CD96: variants seen among roughly 807,000 people sequenced by gnomAD.
CD96 encodes T-cell surface protein tactile.
Under a neutral mutation model 71.3 loss-of-function variants are expected in CD96, and 70 were observed. That is an observed-to-expected ratio of 0.98 (90% CI 0.81 to 1.20). The LOEUF (loss-of-function observed/expected upper bound fraction) is 1.20, where lower values mean the gene tolerates loss of function less well. Ranked by LOEUF, CD96 falls within the 50% of genes most tolerant of loss-of-function variation. The pLI is 0.00. For missense variants in CD96, 742 were observed against 677.5 expected (o/e 1.10, Z -1.06); for synonymous variants, 248 against 233.0 (o/e 1.06, Z -0.59).
intron 3 of CD96, among the ~76,000 whole-genome samples, chr3:111,575,815 A>G (rs1287957736): frequency 6.6e-6 from 1 of 152,208 alleles, no homozygotes; most frequent in Non-Finnish European, 1.5e-5. Context: ...ACTCACTACT[A>G]CAAGCACTTT....
intron 2 of CD96, among the ~76,000 whole-genome samples, chr3:111,547,206 C>T (rs113878636): frequency 1.3e-5 from 2 of 152,252 alleles, no homozygotes; most frequent in African/African-American, 4.8e-5. Flanking sequence ...TGCACTTAAA[C>T]ATATAGTTCC....
chr3:111,544,447 G>A (rs1300289588), intron 1 of CD96, among the ~76,000 whole-genome samples: 1 of 152,066 alleles, frequency 6.6e-6, no homozygotes, highest in East Asian at 1.9e-4. Flanking sequence ...CAGGCCTGGA[G>A]GTGTGACTTT....
At chr3:111,584,142 A>G (rs970923933) in intron 4 of CD96, among the ~76,000 whole-genome samples, 1 of 152,230 alleles carries the variant, frequency 6.6e-6, no homozygotes, top group Non-Finnish European at 1.5e-5. Context: ...TTGTAAGTCC[A>G]AAGTTCCACA....
At chr3:111,631,743 G>A (rs1174153317) in intron 10 of CD96, among the ~76,000 whole-genome samples, 1 of 152,144 alleles carries the variant, frequency 6.6e-6, no homozygotes, top group Non-Finnish European at 1.5e-5. Context: ...CAGGGCTATA[G>A]TAACCAAAAC....
At position 111,637,211 on chromosome 3, in the gene CD96, C is replaced by T. The variant is rs886057767; in HGVS notation, c.1337C>T (p.Pro446Leu). 3.8e-6 allele frequency: 6 copies of T among 1,581,146 alleles called. No homozygotes were observed. Among genetic ancestry groups the T allele is most frequent in the Non-Finnish European group, 5.2e-6 (6 of 1,149,930 alleles). Residue 446 changes from proline (P) to leucine (L), a missense_variant, in exon 11 of 14, where the codon CCT becomes CTT. Transcript: ENST00000352690. The stretch of plus-strand genomic sequence containing the variant: ...CTTCCTTTAGCAGTTTCACGGATAC[C>T]TAGTGAAACATACAGTTCATCCCCG... Reference protein sequence around the residue: ...TDTKKSVSRIPSETYSSSPSG... With the variant: ...TDTKKSVSRILSETYSSSPSG...
At chr3:111,641,480 A>C (rs1475165787) in intron 12 of CD96, among the ~76,000 whole-genome samples, 1 of 152,210 alleles carries the variant, frequency 6.6e-6, no homozygotes, top group Non-Finnish European at 1.5e-5. Flanking sequence ...CTAATATTGG[A>C]GCTCCCAAAT....
intron 3 of CD96, among the ~76,000 whole-genome samples, chr3:111,568,401 A>C (rs57476687): frequency 0.031 from 4,658 of 152,320 alleles, 172 homozygotes; most frequent in East Asian, 0.15. Context: ...AACTCTAATT[A>C]TAAATTTAAA....
chr3:111,638,318 G>T (rs575495929), intron 12 of CD96, 150 bp downstream of exon 12: 80 of 693,966 alleles, frequency 1.2e-4, no homozygotes, highest in South Asian at 6.4e-4. Flanking sequence ...ATTAGTGATC[G>T]ATCATGTGTA....
At chr3:111,641,429 T>A (rs962803299) in intron 12 of CD96, among the ~76,000 whole-genome samples, 3 of 152,210 alleles carry the variant, frequency 2.0e-5, no homozygotes, top group Non-Finnish European at 4.4e-5. Context: ...TAAAAGGCCT[T>A]GTCTAACAGG....
chr3:111,582,233 A>G (rs1936499949), intron 4 of CD96, among the ~76,000 whole-genome samples: 1 of 152,220 alleles, frequency 6.6e-6, no homozygotes, highest in Non-Finnish European at 1.5e-5. Flanking sequence ...GTAAATGGCT[A>G]GTGGCTGTAG....
At chr3:111,654,843 A>G (rs573757171), downstream of CD96, among the ~76,000 whole-genome samples, 1 of 152,368 alleles carries the variant, frequency 6.6e-6, no homozygotes, top group African/African-American at 2.4e-5. Flanking sequence ...CCATTCAACT[A>G]TCACCAGAAA....
chr3:111,583,412 T>C (rs926795782), intron 4 of CD96, among the ~76,000 whole-genome samples: 2 of 152,086 alleles, frequency 1.3e-5, no homozygotes, highest in African/African-American at 4.8e-5. Context: ...CATTCTGGGG[T>C]CTGGAGGATG....
At chr3:111,564,677 T>G (rs1199482966) in intron 2 of CD96, among the ~76,000 whole-genome samples, 1 of 152,174 alleles carries the variant, frequency 6.6e-6, no homozygotes, top group African/African-American at 2.4e-5. Flanking sequence ...GTAGGAATGT[T>G]ATTTTGTTCT....
At chr3:111,546,253 A>C (rs1200968867) in intron 2 of CD96, among the ~76,000 whole-genome samples, 1 of 152,238 alleles carries the variant, frequency 6.6e-6, no homozygotes, top group Non-Finnish European at 1.5e-5. Context: ...GGTGTCTGGC[A>C]TGCACACCTG....
At chr3:111,598,977 A>C (rs1937376078) in intron 6 of CD96, among the ~76,000 whole-genome samples, 1 of 151,398 alleles carries the variant, frequency 6.6e-6, no homozygotes, top group Non-Finnish European at 1.5e-5. Flanking sequence ...ATTTTATTTT[A>C]TTTTATTTTG....
rs151308405 is a variant in CD96, at chr3:111,604,602, A to C, written c.1088-2098A>C. On this transcript the variant is annotated intron_variant, in intron 7 of 13. Coordinates refer to ENST00000352690, the MANE Select transcript of CD96 (RefSeq NM_005816.5). Reference sequence around the variant, plus strand: ...TACAATAATATCTTCTTAATACACTATGAGGCTGAACACCTCAGCTTACAA... The same window carrying C: ...TACAATAATATCTTCTTAATACACTCTGAGGCTGAACACCTCAGCTTACAA... Among the ~76,000 whole-genome samples the C allele has an allele frequency of 7.5e-3, 1,148 of 152,326 alleles. 36 individuals carry two copies. Among genetic ancestry groups the C allele is most frequent in the Admixed American group, 0.042 (636 of 15,300 alleles).
intron 2 of CD96, among the ~76,000 whole-genome samples, chr3:111,555,226 A>C (rs576623260): frequency 4.5e-4 from 7 of 15,720 alleles, no homozygotes; most frequent in Non-Finnish European, 1.1e-3. Context: ...AGAGAAAAGA[A>C]AAGAAAAATA....
intron 8 of CD96, among the ~76,000 whole-genome samples, chr3:111,615,817 A>G (rs1938202009): frequency 6.6e-6 from 1 of 152,282 alleles, no homozygotes; most frequent in African/African-American, 2.4e-5. Context: ...ACCCTACTTG[A>G]TATATCCCCC....
At chr3:111,573,036 A>C (rs541320554) in intron 3 of CD96, among the ~76,000 whole-genome samples, 1 of 152,322 alleles carries the variant, frequency 6.6e-6, no homozygotes, top group East Asian at 1.9e-4. Flanking sequence ...TTAACTCTCT[A>C]ATGGAAACTA....
Sources: allele counts gnomAD v4.1 joint callset (sites outside exome capture counted in the v4.1 genomes callset), GRCh38; gene constraint gnomAD v4.1.1; transcripts MANE v1.5; gene names NCBI Gene and HGNC (gene_info 2026-07-23, HGNC 2026-07-21).